The following UVSSA variants were observed in gnomAD, a reference collection of about 807,000 sequenced individuals.
The protein encoded by UVSSA is UV stimulated scaffold protein A, also known as UV-stimulated scaffold protein A.
A neutral mutation model predicts 73.9 loss-of-function variants in UVSSA; 72 were observed. The observed-to-expected ratio is 0.97, with a 90% confidence interval of 0.81 to 1.19. The LOEUF (loss-of-function observed/expected upper bound fraction) is 1.19. Ranked by LOEUF, UVSSA falls within the 50% of genes most tolerant of loss-of-function variation. The pLI is 0.00. For synonymous variants in UVSSA, 454 were observed against 391.3 expected, an observed-to-expected ratio of 1.16 and a Z score of -1.89; for missense variants, 1,150 against 965.0, an observed-to-expected ratio of 1.19 and a Z score of -2.54.
chr4:1,361,524 G>A (rs879840393), intron 7 of UVSSA, among the ~76,000 whole-genome samples: 4 of 152,280 alleles, frequency 2.6e-5, no homozygotes, highest in Admixed American at 2.6e-4. Flanking sequence ...GTGTCCAGCA[G>A]GTTCTGCTCG....
chr4:1,392,240 A>G (rs1720428338), downstream of UVSSA: 1 of 152,258 alleles, frequency 6.6e-6, no homozygotes. Flanking sequence ...TGTATTTGTC[A>G]TATAAATGCT....
chr4:1,371,860 G>A (rs1718081042), intron 8 of UVSSA, among the ~76,000 whole-genome samples: 1 of 152,200 alleles, frequency 6.6e-6, no homozygotes, highest in Non-Finnish European at 1.5e-5. Flanking sequence ...GCATCTCTTA[G>A]TTTGGTGGTT....
At chr4:1,372,101 T>G (rs921365326) in intron 8 of UVSSA, among the ~76,000 whole-genome samples, 4 of 152,224 alleles carry the variant, frequency 2.6e-5, no homozygotes, top group African/African-American at 9.6e-5. Flanking sequence ...AAATCCAGCT[T>G]TTCTAGTACC....
intron 8 of UVSSA, among the ~76,000 whole-genome samples, chr4:1,368,611 T>C (rs1187341052): frequency 6.6e-6 from 1 of 152,216 alleles, no homozygotes; most frequent in Non-Finnish European, 1.5e-5. Context: ...CTGCCGGGTG[T>C]GCTGGGACGC....
exon 14 of UVSSA, chr4:1,395,452 G>C: frequency 7.4e-7 from 1 of 1,346,910 alleles, no homozygotes; most frequent in Non-Finnish European, 9.7e-7. Context: ...GCCTGCTCAC[G>C]TGCCCATATG....
intron 5 of UVSSA, among the ~76,000 whole-genome samples, chr4:1,354,192 G>A (rs879765319): frequency 1.3e-5 from 2 of 152,244 alleles, no homozygotes; most frequent in East Asian, 3.8e-4. Context: ...CTGCAGGCCT[G>A]TGCGGGGTGG....
chr4:1,350,033 G>A (rs1465576078), intron 3 of UVSSA, among the ~76,000 whole-genome samples, 179 bp downstream of exon 3: 1 of 152,162 alleles, frequency 6.6e-6, no homozygotes, highest in Admixed American at 6.5e-5. Context: ...CAGCATCTAG[G>A]GTCACGGCCT....
rs756594755 is a variant in UVSSA at position 1,380,080 on chromosome 4, C to A, written c.1602C>A (p.Ser534Arg). 1 of 1,611,230 alleles carries A rather than the reference C, an allele frequency of 6.2e-7. No homozygotes were observed. The highest frequency in any genetic ancestry group is 1.1e-5 in the South Asian group (1 of 90,608). ...SDSQHRFWKP[S>R]EVEEEVVNAD... is the part of the protein sequence containing the mutation. Reference sequence around the variant, plus strand: ...CCCAGCACCGCTTCTGGAAGCCCAGCGAGGTGGAGGAGGAAGTGGTCAATG... The same window carrying A: ...CCCAGCACCGCTTCTGGAAGCCCAGAGAGGTGGAGGAGGAAGTGGTCAATG... The change falls in exon 11 of 14, where the codon AGC becomes AGA. Residue 534 changes from serine to arginine, a missense_variant. Transcript: ENST00000389851.
chr4:1,354,224 G>A (rs1334636217), intron 5 of UVSSA, among the ~76,000 whole-genome samples: 3 of 152,220 alleles, frequency 2.0e-5, no homozygotes, highest in African/African-American at 7.2e-5. Context: ...GCAAGCCTGG[G>A]CTGTCCTCGC....
At chr4:1,353,716 G>A (rs1715177996) in intron 5 of UVSSA, among the ~76,000 whole-genome samples, 1 of 152,178 alleles carries the variant, frequency 6.6e-6, no homozygotes, top group Non-Finnish European at 1.5e-5. Flanking sequence ...TGAGGCTGTT[G>A]CGGTCCTCAA....
intron 7 of UVSSA, among the ~76,000 whole-genome samples, chr4:1,357,521 G>A (rs1360684683): frequency 6.6e-6 from 1 of 152,254 alleles, no homozygotes; most frequent in African/African-American, 2.4e-5. Flanking sequence ...TGGCAGCTCG[G>A]CCTGCTTGGG....
At chr4:1,350,940 T>G (rs536171159) in intron 3 of UVSSA, among the ~76,000 whole-genome samples, 1 of 152,230 alleles carries the variant, frequency 6.6e-6, no homozygotes, top group African/African-American at 2.4e-5. Context: ...GGGTCTTGGT[T>G]TGTCACCCAG....
At chr4:1,376,219 G>T in intron 10 of UVSSA, 51 bp downstream of exon 10, 2 of 1,550,306 alleles carry the variant, frequency 1.3e-6, no homozygotes, top group Non-Finnish European at 1.7e-6. Flanking sequence ...CAGGGTCCCA[G>T]CCTGAGGAGG....
intron 10 of UVSSA, among the ~76,000 whole-genome samples, chr4:1,377,091 C>T (rs1030926763): frequency 4.6e-5 from 7 of 152,166 alleles, no homozygotes; most frequent in African/African-American, 1.4e-4. Flanking sequence ...GATGCGGGAG[C>T]GTCTCATCCG....
exon 14 of UVSSA, chr4:1,394,934 C>T (rs1577396707): frequency 7.0e-7 from 1 of 1,418,550 alleles, no homozygotes; most frequent in South Asian, 1.2e-5. Context: ...CTCACACGTG[C>T]CCATGCGGAG....
chr4:1,368,252 C>T (rs575545242), intron 8 of UVSSA, among the ~76,000 whole-genome samples: 1 of 152,380 alleles, frequency 6.6e-6, no homozygotes, highest in South Asian at 2.1e-4. Flanking sequence ...TCTGCACAGG[C>T]CTGTTATGAT....
rs1206754061 is a variant in UVSSA, at chr4:1,387,363, A to AC, written c.*1404dup. 1 of 152,222 alleles carries AC rather than the reference A, an allele frequency of 6.6e-6. No individual in the cohort carries two copies. The highest frequency in any genetic ancestry group is 6.5e-5 in the Admixed American group (1 of 15,284). The allele number at this position is 152,222 out of a possible 1,614,324, so 9.4% of individuals were successfully genotyped here. A position where few individuals can be genotyped will look rare whatever the true frequency, so the allele number is the denominator to read the frequency against. On this transcript the variant is annotated 3_prime_UTR_variant, in exon 14 of 14. Transcript: ENST00000389851. Reference sequence around the variant, plus strand: ...AGTGCTGGGATTACAGGTGTGAGCCACCGCACTCAGCTGATTTGCAAAAAC... The same window carrying AC: ...AGTGCTGGGATTACAGGTGTGAGCCACCCGCACTCAGCTGATTTGCAAAAAC...
chr4:1,367,209 A>G (rs988458803), intron 8 of UVSSA, among the ~76,000 whole-genome samples: 1 of 152,102 alleles, frequency 6.6e-6, no homozygotes, highest in African/African-American at 2.4e-5. Flanking sequence ...TTTTTCAAAA[A>G]TACCTCCCAA....
chr4:1,380,814 TG>T (rs1719395287), intron 11 of UVSSA, 65 bp from the exon 12 acceptor site: 1 of 1,592,938 alleles, frequency 6.3e-7, no homozygotes, highest in Non-Finnish European at 8.6e-7. Flanking sequence ...GTCGTGGTGG[TG>T]GGGGGAGGTG....
Sources: gnomAD v4.1 joint callset for allele counts (sites outside exome capture counted in the v4.1 genomes callset) on GRCh38, gnomAD v4.1.1 for gene constraint, MANE v1.5 for transcripts, NCBI Gene and HGNC (gene_info 2026-07-23, HGNC 2026-07-21) for gene names.